The following KCNC2 variants were observed in gnomAD, a reference collection of about 807,000 sequenced individuals.
KCNC2 encodes voltage-gated potassium channel KCNC2.
Under a neutral mutation model 44.5 loss-of-function variants are expected in KCNC2, and 21 were observed. The observed-to-expected ratio is 0.47, with a 90% CI of 0.33 to 0.68. KCNC2 has a LOEUF of 0.68. Ranked by LOEUF, KCNC2 falls within the 30% of genes least tolerant of loss-of-function variation. KCNC2 has a pLI of 0.01. For missense variants in KCNC2, 589 were observed against 826.2 expected (o/e 0.71, Z 3.52); for synonymous variants, 391 against 339.1 (o/e 1.15, Z -1.68).
intron 2 of KCNC2, among the ~76,000 whole-genome samples, chr12:75,196,688 AT>A (rs1265822794): frequency 6.6e-6 from 1 of 152,118 alleles, no homozygotes; most frequent in Non-Finnish European, 1.5e-5. Flanking sequence ...TATTTAGCGT[AT>A]TCAGTCAAGT....
intron 2 of KCNC2, among the ~76,000 whole-genome samples, chr12:75,061,080 G>A (rs943388517): frequency 3.3e-5 from 5 of 151,854 alleles, no homozygotes; most frequent in Admixed American, 6.6e-5. Context: ...TTTCTTCTCC[G>A]TTGATAGAAA....
intron 2 of KCNC2, among the ~76,000 whole-genome samples, chr12:75,160,458 T>C (rs951761507): frequency 7.9e-5 from 12 of 151,874 alleles, no homozygotes; most frequent in African/African-American, 2.9e-4. Context: ...GTCAATACTT[T>C]GCCCAAAATC....
chr12:75,055,572 T>C (rs907842668), intron 2 of KCNC2, among the ~76,000 whole-genome samples: 1 of 152,070 alleles, frequency 6.6e-6, no homozygotes, highest in Non-Finnish European at 1.5e-5. Flanking sequence ...CCAGACAAGG[T>C]ATGTCATGTC....
chr12:75,190,622 T>C (rs1222749678), intron 2 of KCNC2, among the ~76,000 whole-genome samples: 1 of 152,186 alleles, frequency 6.6e-6, no homozygotes, highest in African/African-American at 2.4e-5. Context: ...AACTTTCTTA[T>C]GTGAATACAA....
intron 2 of KCNC2, among the ~76,000 whole-genome samples, chr12:75,060,898 C>T (rs1360146313): frequency 6.6e-6 from 1 of 152,140 alleles, no homozygotes; most frequent in Non-Finnish European, 1.5e-5. Flanking sequence ...GCAGTTCCTT[C>T]TGTCTAAAAT....
intron 4 of KCNC2, chr12:75,044,729 A>G (rs1880290911): frequency 6.6e-6 from 1 of 151,986 alleles, no homozygotes; most frequent in South Asian, 2.1e-4. Flanking sequence ...ACACACATTA[A>G]CCTTCAGCAG....
chr12:75,129,290 C>A (rs1287944952), intron 2 of KCNC2, among the ~76,000 whole-genome samples: 4 of 152,096 alleles, frequency 2.6e-5, no homozygotes. Flanking sequence ...AGAAGAGTTG[C>A]CCCCTCAACC....
At chr12:75,099,100 T>C (rs1346160025) in intron 2 of KCNC2, among the ~76,000 whole-genome samples, 2 of 152,188 alleles carry the variant, frequency 1.3e-5, no homozygotes, top group East Asian at 3.8e-4. Flanking sequence ...AAAAGGAGTG[T>C]TGCTACAAAA....
At chr12:75,157,125 T>G (rs183523531) in intron 2 of KCNC2, among the ~76,000 whole-genome samples, 4 of 152,052 alleles carry the variant, frequency 2.6e-5, no homozygotes, top group Non-Finnish European at 1.5e-5. Flanking sequence ...GAAGCAACAA[T>G]GTCAAGGACA....
intron 2 of KCNC2, among the ~76,000 whole-genome samples, chr12:75,206,520 A>G (rs1320156552): frequency 6.6e-6 from 1 of 152,222 alleles, no homozygotes; most frequent in Non-Finnish European, 1.5e-5. Context: ...AGTAAAATAA[A>G]GTTTGCTCCA....
In KCNC2 at chr12:75,167,388, G is replaced by A. The variant is rs573040722; in HGVS notation, c.687+39909C>T. Among the ~76,000 whole-genome samples, 5 of 150,976 alleles carry A rather than the reference G, an allele frequency of 3.3e-5. No homozygotes were observed. In the South Asian group the frequency reaches 1.0e-3, roughly 31 times the overall value. Reference sequence around the variant, plus strand: ...AAATAGATGGATTAAAAATAATCTAGCATTTTTCTCAAAAATATAAAATAA... The same window carrying A: ...AAATAGATGGATTAAAAATAATCTAACATTTTTCTCAAAAATATAAAATAA... On this transcript the variant is annotated intron_variant, in intron 2 of 4. Transcript: ENST00000549446.
chr12:75,163,336 G>A (rs1418575371), intron 2 of KCNC2, among the ~76,000 whole-genome samples: 2 of 151,772 alleles, frequency 1.3e-5, no homozygotes, highest in African/African-American at 4.8e-5. Context: ...CCAGGTAAAA[G>A]AGGTATTATT....
intron 2 of KCNC2, among the ~76,000 whole-genome samples, chr12:75,200,991 A>G (rs1442185744): frequency 6.6e-6 from 1 of 151,648 alleles, no homozygotes; most frequent in Non-Finnish European, 1.5e-5. Context: ...TGAAAATGCG[A>G]CTGAGATTAT....
At chr12:75,085,033 A>AT (rs1884880624) in intron 2 of KCNC2, among the ~76,000 whole-genome samples, 1 of 35,830 alleles carries the variant, frequency 2.8e-5, no homozygotes, top group African/African-American at 6.9e-5. Context: ...ATAGGAATTC[A>AT]CAAAAAAAAG....
In KCNC2 at chr12:75,043,054, A is replaced by G. The variant is rs773500088; in HGVS notation, c.*51T>C. ...TAATTATTTCCATTATGGGGTAAAC[A>G]GCACTTGAATTAATACAATTTAGCC... On this transcript the variant is annotated 3_prime_UTR_variant, in exon 5 of 5. Coordinates refer to ENST00000549446, the MANE Select transcript of KCNC2 (RefSeq NM_139137.4). 1 of 1,605,586 alleles carries G rather than the reference A, an allele frequency of 6.2e-7. No homozygotes were observed. The highest frequency in any genetic ancestry group is 1.3e-5 in the African/African-American group (1 of 74,490).
chr12:75,208,772 A>G (rs1328565652), intron 1 of KCNC2, among the ~76,000 whole-genome samples: 1 of 152,260 alleles, frequency 6.6e-6, no homozygotes, highest in East Asian at 1.9e-4. Context: ...CTTTTCACCT[A>G]GGAGACCTCT....
chr12:75,075,570 A>G (rs1315794822), intron 2 of KCNC2, among the ~76,000 whole-genome samples: 1 of 151,546 alleles, frequency 6.6e-6, no homozygotes, highest in Non-Finnish European at 1.5e-5. Context: ...CCCCTTGAGA[A>G]GATAATTACA....
intron 2 of KCNC2, among the ~76,000 whole-genome samples, chr12:75,201,160 G>T (rs965846638): frequency 6.9e-6 from 1 of 145,882 alleles, no homozygotes; most frequent in Non-Finnish European, 1.5e-5. Flanking sequence ...GTTTTCAATG[G>T]AAACAGGAAG....
rs1036532086 is a variant in KCNC2, at chr12:75,200,674, T to C, written c.687+6623A>G. Reference sequence around the variant, plus strand: ...CTAAAAACAGAAATATGGAGCACTATACACTATACATACACATTCATTTTA... The same window carrying C: ...CTAAAAACAGAAATATGGAGCACTACACACTATACATACACATTCATTTTA... On this transcript the variant is annotated intron_variant, in intron 2 of 4. Transcript: ENST00000549446. Among the ~76,000 whole-genome samples the C allele has an allele frequency of 2.0e-5, 3 of 151,792 alleles. 1 individual carries two copies. The highest frequency in any genetic ancestry group is 4.4e-5 in the Non-Finnish European group (3 of 67,770).
Sources: gnomAD v4.1 joint callset for allele counts (sites outside exome capture counted in the v4.1 genomes callset) on GRCh38, gnomAD v4.1.1 for gene constraint, MANE v1.5 for transcripts, NCBI Gene and HGNC (gene_info 2026-07-23, HGNC 2026-07-21) for gene names.